ZCCHC7: variants seen among roughly 807,000 people sequenced by gnomAD.
The protein encoded by ZCCHC7 is zinc finger CCHC-type containing 7.
In ZCCHC7, 35 loss-of-function variants were observed where a neutral mutation model predicts 52.0. The ratio of observed to expected loss-of-function variants is 0.67; its 90% CI spans 0.51 to 0.89. ZCCHC7 has a LOEUF of 0.89. Among genes scored for constraint, ZCCHC7 ranks in the 40% least tolerant of loss-of-function variants. The probability of loss-of-function intolerance (pLI) is 0.00; values close to 1 mark genes in which losing one functional copy is unlikely to be tolerated. For missense variants in ZCCHC7, 574 were observed against 649.1 expected, an observed-to-expected ratio of 0.88 and a Z score of 1.26; for synonymous variants, 217 against 221.5, an observed-to-expected ratio of 0.98 and a Z score of 0.18.
chr9:37,212,026 C>CAAAAAAAAAAAAAAAAAAAAAAAA (rs574190937), intron 2 of ZCCHC7, among the ~76,000 whole-genome samples: 2 of 55,426 alleles, frequency 3.6e-5, no homozygotes, highest in Non-Finnish European at 3.3e-5. Flanking sequence ...GACTCCGTCT[C>CAAAAAAAAAAAAAAAAAAAAAAAA]AAAAAAAAAA....
At chr9:37,324,102 A>T (rs1310115876) in intron 5 of ZCCHC7, among the ~76,000 whole-genome samples, 1 of 152,122 alleles carries the variant, frequency 6.6e-6, no homozygotes, top group Non-Finnish European at 1.5e-5. Context: ...TATGTTATTC[A>T]CTATCAATGA....
At chr9:37,246,827 TCTTGGAAC>T (rs1392682414) in intron 2 of ZCCHC7, among the ~76,000 whole-genome samples, 1 of 152,122 alleles carries the variant, frequency 6.6e-6, no homozygotes, top group African/African-American at 2.4e-5. Context: ...AGCTGAGGCA[TCTTGGAAC>T]CTTGGAACCT....
chr9:37,123,383 G>A (rs191842654), intron 1 of ZCCHC7, among the ~76,000 whole-genome samples: 71 of 152,260 alleles, frequency 4.7e-4, no homozygotes, highest in Admixed American at 4.4e-3. Context: ...AAATAAGAGA[G>A]CACGTTATGC....
intron 5 of ZCCHC7, among the ~76,000 whole-genome samples, chr9:37,315,118 T>TA (rs536319223): frequency 0.012 from 1,760 of 142,088 alleles, 20 homozygotes; most frequent in African/African-American, 0.038. Context: ...ATATTTCAGT[T>TA]AAAAAAAAAA....
At chr9:37,154,946 G>A (rs2132857868) in intron 2 of ZCCHC7, among the ~76,000 whole-genome samples, 1 of 152,298 alleles carries the variant, frequency 6.6e-6, no homozygotes, top group South Asian at 2.1e-4. Context: ...GAAAATCAGT[G>A]CAATATGTTT....
At chr9:37,141,296 A>T (rs1057263625) in intron 2 of ZCCHC7, among the ~76,000 whole-genome samples, 16 of 149,338 alleles carry the variant, frequency 1.1e-4, no homozygotes, top group Admixed American at 2.0e-4. Flanking sequence ...AAAAAGGGGA[A>T]TTTTTTTTTT....
intron 2 of ZCCHC7, among the ~76,000 whole-genome samples, chr9:37,232,614 A>G (rs1193758164): frequency 6.6e-6 from 1 of 151,926 alleles, no homozygotes; most frequent in Non-Finnish European, 1.5e-5. Context: ...AATGACTGGG[A>G]AAAAAATCAT....
At chr9:37,240,897 G>A (rs931496480) in intron 2 of ZCCHC7, among the ~76,000 whole-genome samples, 3 of 151,718 alleles carry the variant, frequency 2.0e-5, no homozygotes, top group Admixed American at 1.3e-4. Context: ...AAAAGAAATA[G>A]CCAAGAGATA....
At chr9:37,153,922 C>T (rs1820675065) in intron 2 of ZCCHC7, among the ~76,000 whole-genome samples, 2 of 152,254 alleles carry the variant, frequency 1.3e-5, no homozygotes, top group East Asian at 1.9e-4. Context: ...CAAGGTCTTG[C>T]TCTGTCATCC....
chr9:37,292,469 G>A (rs1400065285), intron 2 of ZCCHC7, among the ~76,000 whole-genome samples: 2 of 152,076 alleles, frequency 1.3e-5, no homozygotes, highest in East Asian at 3.8e-4. Flanking sequence ...GAAAAATAAT[G>A]TACTTCATTC....
At chr9:37,202,672 G>A (rs1823697998) in intron 2 of ZCCHC7, among the ~76,000 whole-genome samples, 1 of 152,050 alleles carries the variant, frequency 6.6e-6, no homozygotes, top group Non-Finnish European at 1.5e-5. Flanking sequence ...TGTAGAGATG[G>A]GGTTTTACTA....
chr9:37,243,037 G>C (rs966765391), intron 2 of ZCCHC7, among the ~76,000 whole-genome samples: 1 of 151,620 alleles, frequency 6.6e-6, no homozygotes, highest in African/African-American at 2.4e-5. Context: ...TTTTTTAAAA[G>C]CATATTTCTT....
chr9:37,212,499 G>T (rs1824296604), intron 2 of ZCCHC7, among the ~76,000 whole-genome samples: 1 of 152,072 alleles, frequency 6.6e-6, no homozygotes, highest in Non-Finnish European at 1.5e-5. Context: ...GAAATAGCTT[G>T]CTTTCTTTTT....
intron 2 of ZCCHC7, among the ~76,000 whole-genome samples, chr9:37,212,535 T>A (rs2133221764): frequency 6.6e-6 from 1 of 152,316 alleles, no homozygotes; most frequent in Non-Finnish European, 1.5e-5. Context: ...TTCTTTTTAG[T>A]TGGCTATCTG....
intron 2 of ZCCHC7, among the ~76,000 whole-genome samples, chr9:37,164,637 A>G (rs764990023): frequency 2.6e-5 from 4 of 152,154 alleles, no homozygotes; most frequent in Non-Finnish European, 5.9e-5. Context: ...GCTGGAGTAC[A>G]TTGGCATGAT....
intron 2 of ZCCHC7, among the ~76,000 whole-genome samples, chr9:37,173,361 T>C (rs555027702): frequency 6.6e-6 from 1 of 152,370 alleles, no homozygotes; most frequent in South Asian, 2.1e-4. Flanking sequence ...TGCAGACTAC[T>C]GTAGTTAACT....
chr9:37,317,203 A>G (rs1459709951), intron 5 of ZCCHC7, among the ~76,000 whole-genome samples: 1 of 152,236 alleles, frequency 6.6e-6, no homozygotes, highest in Non-Finnish European at 1.5e-5. Flanking sequence ...AATCAGATTC[A>G]CATCAGACTT....
At chr9:37,171,464 G>A (rs960704601) in intron 2 of ZCCHC7, among the ~76,000 whole-genome samples, 3 of 152,008 alleles carry the variant, frequency 2.0e-5, no homozygotes, top group African/African-American at 4.8e-5. Context: ...AGATACAGGC[G>A]GAAGTGCAGT....
chr9:37,182,653 A>G (rs1219138392), intron 2 of ZCCHC7, among the ~76,000 whole-genome samples: 2 of 152,192 alleles, frequency 1.3e-5, no homozygotes, highest in East Asian at 3.8e-4. Context: ...GGCATGAGCC[A>G]CCGCGCCTGG....
Sources: gnomAD v4.1 joint callset for allele counts (sites outside exome capture counted in the v4.1 genomes callset) on GRCh38, gnomAD v4.1.1 for gene constraint, MANE v1.5 for transcripts, NCBI Gene and HGNC (gene_info 2026-07-23, HGNC 2026-07-21) for gene names.